The following DEPDC1B variants were observed in gnomAD, a reference collection of about 807,000 sequenced individuals.
The protein encoded by DEPDC1B is DEP domain containing 1B.
DEPDC1B carries 51 observed loss-of-function variants against 66.5 expected under a neutral mutation model. The observed-to-expected ratio is 0.77, with a 90% CI of 0.61 to 0.97. DEPDC1B has a LOEUF of 0.97. Ranked by LOEUF, DEPDC1B falls within the 50% of genes least tolerant of loss-of-function variation. The pLI, the probability that DEPDC1B is intolerant of heterozygous loss-of-function variation, is 0.00. For missense variants in DEPDC1B, 552 were observed against 637.1 expected (o/e 0.87, Z 1.44); for synonymous variants, 226 against 223.6 (o/e 1.01, Z -0.10).
At position 60,654,729 on chromosome 5, in the gene DEPDC1B, CT is replaced by C. The variant is rs1371114523; in HGVS notation, c.315-7197del. ...CAGTTCTCAGGGGGAATGCTTTCCA[CT>C]TTTCCCTGTTCAGTATAGTGTTGGC... On this transcript the variant is annotated intron_variant, in intron 2 of 10. Transcript: ENST00000265036. Among the ~76,000 whole-genome samples the C allele has an allele frequency of 1.3e-5, 2 of 148,744 alleles. 1 individual carries two copies. The highest frequency in any genetic ancestry group is 4.1e-4 in the East Asian group (2 of 4,864).
At chr5:60,681,189 G>A (rs566085294) in intron 2 of DEPDC1B, among the ~76,000 whole-genome samples, 13 of 152,114 alleles carry the variant, frequency 8.5e-5, no homozygotes, top group African/African-American at 2.4e-4. Context: ...AGCCCACCCA[G>A]GCCCCCCACC....
chr5:60,605,646 C>T lies in DEPDC1B; in HGVS notation c.1065+44G>A. 5 of 1,595,282 alleles carry T rather than the reference C, an allele frequency of 3.1e-6. No individual in the cohort carries two copies. The South Asian group carries it at 3.4e-5, about 11-fold the overall frequency. ...AAACTAATACACCTTACTCAGTCGACTTTCATTCCAAAAAGTCATACCTGA... is the reference window on the plus strand; with the variant it reads ...AAACTAATACACCTTACTCAGTCGATTTTCATTCCAAAAAGTCATACCTGA... On this transcript the variant is annotated intron_variant, in intron 8 of 10. Coordinates refer to ENST00000265036, the MANE Select transcript of DEPDC1B (RefSeq NM_018369.3).
At position 60,605,865 on chromosome 5, in the gene DEPDC1B, GA is replaced by G. The variant is rs56979760; in HGVS notation, c.899-10del. 34,209 of 1,228,850 alleles carry G rather than the reference GA, an allele frequency of 0.028. 223 individuals carry two copies. The highest frequency in any genetic ancestry group is 0.044 in the Middle Eastern group (197 of 4,488). The allele number at this position is 1,228,850 out of a possible 1,614,324, so 76.1% of individuals were successfully genotyped here. A position where few individuals can be genotyped will look rare whatever the true frequency, so the allele number is the denominator to read the frequency against. ...CTCCTTCTGTAACAAACCTGATTTAGAAAAAAAAAAATGTTATCTTTCAACA... is the reference window on the plus strand; with the variant it reads ...CTCCTTCTGTAACAAACCTGATTTAGAAAAAAAAAATGTTATCTTTCAACA... On this transcript the variant is annotated splice_polypyrimidine_tract_variant and intron_variant, in intron 7 of 10. Transcript: ENST00000265036.
At chr5:60,624,196 C>A (rs1338921251) in intron 7 of DEPDC1B, among the ~76,000 whole-genome samples, 2 of 152,100 alleles carry the variant, frequency 1.3e-5, no homozygotes, top group Non-Finnish European at 1.5e-5. Flanking sequence ...ACATTTTTAT[C>A]ATTAATGGGT....
chr5:60,654,426 C>T (rs1753530492), intron 2 of DEPDC1B, among the ~76,000 whole-genome samples: 1 of 147,048 alleles, frequency 6.8e-6, no homozygotes, highest in Non-Finnish European at 1.5e-5. Flanking sequence ...TGATTCTCAG[C>T]TTGGTCACTG....
chr5:60,662,344 C>T (rs553922263), intron 2 of DEPDC1B, among the ~76,000 whole-genome samples: 130 of 152,034 alleles, frequency 8.6e-4, no homozygotes, highest in Non-Finnish European at 6.9e-4. Context: ...GCTGAGATCA[C>T]GCCACTGCAC....
intron 9 of DEPDC1B, among the ~76,000 whole-genome samples, chr5:60,602,030 G>A (rs1425407692): frequency 6.6e-6 from 1 of 152,016 alleles, no homozygotes; most frequent in Non-Finnish European, 1.5e-5. Flanking sequence ...CTGTGCTCTT[G>A]GCCATTCTCA....
chr5:60,642,679 G>A (rs1753215647), intron 6 of DEPDC1B, 133 bp downstream of exon 6: 2 of 644,324 alleles, frequency 3.1e-6, no homozygotes, highest in Non-Finnish European at 5.4e-6. Flanking sequence ...TAAAAGCACA[G>A]TAGTCCCAAA....
At chr5:60,647,049 G>A (rs1043559291) in intron 3 of DEPDC1B, among the ~76,000 whole-genome samples, 2 of 151,992 alleles carry the variant, frequency 1.3e-5, no homozygotes, top group Admixed American at 6.6e-5. Flanking sequence ...TAAATAAAAT[G>A]CACAATAAAT....
chr5:60,681,540 G>C (rs1265560597), intron 2 of DEPDC1B, among the ~76,000 whole-genome samples: 1 of 152,096 alleles, frequency 6.6e-6, no homozygotes, highest in Non-Finnish European at 1.5e-5. Flanking sequence ...AAAACTAGAA[G>C]AAGCAACTGT....
chr5:60,659,143 T>C (rs1346041659), intron 2 of DEPDC1B, among the ~76,000 whole-genome samples: 2 of 152,146 alleles, frequency 1.3e-5, no homozygotes, highest in African/African-American at 4.8e-5. Flanking sequence ...GTTCCATTCC[T>C]TGGAATCCAT....
chr5:60,632,363 G>A (rs1008587957), intron 7 of DEPDC1B, among the ~76,000 whole-genome samples: 3 of 152,218 alleles, frequency 2.0e-5, no homozygotes, highest in Non-Finnish European at 4.4e-5. Flanking sequence ...GCACGCTGGG[G>A]AAAGGCGGCT....
chr5:60,655,270 C>T lies in DEPDC1B; in HGVS notation c.315-7737G>A, dbSNP rs142191264. ...TCTGGTCCTAGACTTTTTATTGTTG[C>T]TGGCTATTTTTTTCTTACCATTTGA... On this transcript the variant is annotated intron_variant, in intron 2 of 10. Transcript: ENST00000265036. Among the ~76,000 whole-genome samples the T allele has an allele frequency of 3.7e-4, 55 of 148,682 alleles. 5 individuals are homozygous for T. Among genetic ancestry groups the T allele is most frequent in the African/African-American group, 1.3e-3 (51 of 39,394 alleles).
intron 1 of DEPDC1B, among the ~76,000 whole-genome samples, chr5:60,690,452 T>C (rs949846539): frequency 1.3e-5 from 2 of 152,172 alleles, no homozygotes; most frequent in Non-Finnish European, 2.9e-5. Flanking sequence ...TAAAGGAAAG[T>C]CATCTCTTTT....
intron 7 of DEPDC1B, among the ~76,000 whole-genome samples, chr5:60,612,512 A>G (rs1310474720): frequency 7.2e-6 from 1 of 139,740 alleles, no homozygotes; most frequent in African/African-American, 2.6e-5. Context: ...TTTTAAGCCC[A>G]CTGTTGAGAT....
intron 2 of DEPDC1B, among the ~76,000 whole-genome samples, chr5:60,675,464 T>C (rs573146741): frequency 6.6e-6 from 1 of 152,274 alleles, no homozygotes; most frequent in East Asian, 1.9e-4. Context: ...AGACACCCAC[T>C]AAACACTGCA....
At chr5:60,683,771 A>G (rs1320946305) in intron 2 of DEPDC1B, among the ~76,000 whole-genome samples, 2 of 152,190 alleles carry the variant, frequency 1.3e-5, no homozygotes, top group East Asian at 3.8e-4. Flanking sequence ...GCAATTAAGC[A>G]AGAGAAAGAA....
chr5:60,619,769 T>C (rs1448660794), intron 7 of DEPDC1B, among the ~76,000 whole-genome samples: 13 of 152,196 alleles, frequency 8.5e-5, no homozygotes, highest in East Asian at 1.9e-4. Flanking sequence ...TGACTTTCTT[T>C]ACAGAATTGG....
At chr5:60,643,555 A>T (rs1239489128) in intron 5 of DEPDC1B, among the ~76,000 whole-genome samples, 1 of 152,222 alleles carries the variant, frequency 6.6e-6, no homozygotes, top group East Asian at 1.9e-4. Flanking sequence ...CACTTGTTGA[A>T]TTGTGTTAGA....
Sources: allele counts gnomAD v4.1 joint callset (sites outside exome capture counted in the v4.1 genomes callset), GRCh38; gene constraint gnomAD v4.1.1; transcripts MANE v1.5; gene names NCBI Gene and HGNC (gene_info 2026-07-23, HGNC 2026-07-21).